Variants in GRM5 observed in about 807,000 individuals in gnomAD.
GRM5 encodes glutamate metabotropic receptor 5, also known as metabotropic glutamate receptor 5.
Under a neutral mutation model 83.1 loss-of-function variants are expected in GRM5, and 19 were observed. The observed-to-expected ratio is 0.23, with a 90% CI of 0.16 to 0.34. The LOEUF is 0.34. Among genes scored for constraint, GRM5 ranks in the 10% least tolerant of loss-of-function variants. The pLI is 1.00. For missense variants in GRM5, 1,160 were observed against 1,588.3 expected (o/e 0.73, Z 4.58); for synonymous variants, 675 against 633.6 (o/e 1.07, Z -0.98).
At chr11:88,649,452 T>G (rs1431055954) in intron 4 of GRM5, among the ~76,000 whole-genome samples, 1 of 144,182 alleles carries the variant, frequency 6.9e-6, no homozygotes, top group Non-Finnish European at 1.5e-5. Flanking sequence ...GTATTATATA[T>G]TATATATTAC....
intron 3 of GRM5, among the ~76,000 whole-genome samples, chr11:88,741,350 G>C (rs1942024577): frequency 6.6e-6 from 1 of 152,026 alleles, no homozygotes; most frequent in Admixed American, 6.6e-5. Flanking sequence ...GGTAGGTGTA[G>C]CAACACAGTA....
chr11:88,832,323 C>T (rs1050300540), intron 3 of GRM5, among the ~76,000 whole-genome samples: 1 of 151,932 alleles, frequency 6.6e-6, no homozygotes, highest in Admixed American at 6.6e-5. Context: ...TTCTATACAC[C>T]AATAATGAAC....
intron 2 of GRM5, among the ~76,000 whole-genome samples, chr11:88,962,022 T>C (rs1175998495): frequency 6.6e-6 from 1 of 152,238 alleles, no homozygotes; most frequent in Non-Finnish European, 1.5e-5. Context: ...GCATTTATTA[T>C]AATATGAATT....
intron 8 of GRM5, among the ~76,000 whole-genome samples, chr11:88,533,962 C>T (rs1163239920): frequency 6.6e-6 from 1 of 152,124 alleles, no homozygotes; most frequent in African/African-American, 2.4e-5. Context: ...ACTGTGGCTT[C>T]AGAGGATGCA....
At chr11:88,931,153 G>A (rs1937692958) in intron 2 of GRM5, among the ~76,000 whole-genome samples, 2 of 151,706 alleles carry the variant, frequency 1.3e-5, no homozygotes, top group African/African-American at 4.8e-5. Flanking sequence ...AACTTCTCCT[G>A]AAAATAATTC....
intron 2 of GRM5, among the ~76,000 whole-genome samples, chr11:88,888,574 G>T (rs1945084898): frequency 6.6e-6 from 1 of 152,140 alleles, no homozygotes; most frequent in Admixed American, 6.5e-5. Context: ...TTACAGTTGA[G>T]CTGGGGGAGA....
intron 9 of GRM5, among the ~76,000 whole-genome samples, chr11:88,518,616 G>T (rs957926955): frequency 6.6e-6 from 1 of 151,648 alleles, no homozygotes; most frequent in African/African-American, 2.4e-5. Flanking sequence ...TCCAAGAAGG[G>T]CATATGAGCA....
chr11:88,991,364 G>GATACAAAC (rs1939962781), intron 2 of GRM5, among the ~76,000 whole-genome samples: 1 of 151,868 alleles, frequency 6.6e-6, no homozygotes, highest in South Asian at 2.1e-4. Context: ...AATAAAAGAG[G>GATACAAAC]ATACAAACAA....
At chr11:88,590,096 A>C (rs1032687087) in intron 7 of GRM5, among the ~76,000 whole-genome samples, 1 of 152,200 alleles carries the variant, frequency 6.6e-6, no homozygotes, top group African/African-American at 2.4e-5. Context: ...AAGTAAAATC[A>C]AGTCTTTCCC....
At chr11:89,050,767 C>T (rs1941740913) in intron 1 of GRM5, among the ~76,000 whole-genome samples, 1 of 152,156 alleles carries the variant, frequency 6.6e-6, no homozygotes, top group Non-Finnish European at 1.5e-5. Flanking sequence ...CCACGGAATA[C>T]TATACAGCCA....
At chr11:88,900,435 A>G (rs2135594911) in intron 2 of GRM5, among the ~76,000 whole-genome samples, 1 of 152,308 alleles carries the variant, frequency 6.6e-6, no homozygotes, top group Non-Finnish European at 1.5e-5. Flanking sequence ...ATAGATATAT[A>G]AAGTGGATGA....
chr11:88,890,138 C>A (rs865867952), intron 2 of GRM5, among the ~76,000 whole-genome samples: 1 of 148,104 alleles, frequency 6.8e-6, no homozygotes, highest in African/African-American at 2.5e-5. Flanking sequence ...CACATCCCCA[C>A]CCCCGACTGA....
At chr11:88,986,652 C>A (rs911478849) in intron 2 of GRM5, among the ~76,000 whole-genome samples, 17 of 149,884 alleles carry the variant, frequency 1.1e-4, no homozygotes, top group Non-Finnish European at 2.1e-4. Context: ...CCATAGGTTG[C>A]CTTTTTATTT....
In GRM5 at chr11:88,930,553, C is replaced by T. The variant is rs144388736; in HGVS notation, c.662-80398G>A. Among the ~76,000 whole-genome samples, 565 of 152,108 alleles carry T rather than the reference C, an allele frequency of 3.7e-3. 1 individual carries two copies. Among genetic ancestry groups the T allele is most frequent in the African/African-American group, 0.013 (528 of 41,500 alleles). ...CTTTGTTTTTTTGAGATGGGAGTTT[C>T]GCTCTTGTTGCCTAGGCTGGAGTGC... On this transcript the variant is annotated intron_variant, in intron 2 of 9. Coordinates refer to ENST00000305447, the MANE Select transcript of GRM5 (RefSeq NM_001143831.3).
In GRM5 at chr11:88,693,799, C is replaced by T. The variant is rs982347846; in HGVS notation, c.912-40396G>A. Among the ~76,000 whole-genome samples the T allele has an allele frequency of 2.6e-5, 4 of 152,198 alleles. 1 individual carries two copies. In the South Asian group the frequency reaches 6.2e-4, roughly 24 times the overall value. The stretch of plus-strand genomic sequence containing the variant: ...TCCTCCTCTGAGAAAAGCCTAGAGC[C>T]ACACTAATTGATCTCCTTCTAAGGA... On this transcript the variant is annotated intron_variant, in intron 3 of 9. Transcript: ENST00000305447.
chr11:88,801,136 G>A (rs1171393640), intron 3 of GRM5, among the ~76,000 whole-genome samples: 1 of 152,050 alleles, frequency 6.6e-6, no homozygotes, highest in Non-Finnish European at 1.5e-5. Flanking sequence ...CACAGATTTA[G>A]GGATTCCATA....
chr11:88,618,717 T>G (rs1396495235), intron 4 of GRM5, among the ~76,000 whole-genome samples: 4 of 152,178 alleles, frequency 2.6e-5, no homozygotes, highest in Admixed American at 6.5e-5. Flanking sequence ...GTGCGCATAA[T>G]AAAATGGTTC....
chr11:89,010,354 T>G (rs1940661400), intron 2 of GRM5, among the ~76,000 whole-genome samples: 1 of 152,188 alleles, frequency 6.6e-6, no homozygotes, highest in African/African-American at 2.4e-5. Context: ...TGTAACTTGG[T>G]CAAATCTTAC....
chr11:88,884,558 G>A (rs1209279220), intron 2 of GRM5, among the ~76,000 whole-genome samples: 1 of 152,146 alleles, frequency 6.6e-6, no homozygotes, highest in East Asian at 1.9e-4. Context: ...GTTTTGAAAT[G>A]TGAAAGGGAC....
Sources: allele counts gnomAD v4.1 joint callset (sites outside exome capture counted in the v4.1 genomes callset), GRCh38; gene constraint gnomAD v4.1.1; transcripts MANE v1.5; gene names NCBI Gene and HGNC (gene_info 2026-07-23, HGNC 2026-07-21).